RBFOX2: variants seen among roughly 807,000 people sequenced by gnomAD.
RBFOX2 encodes the protein RNA binding protein fox-1 homolog 2.
RBFOX2 carries 10 observed loss-of-function variants against 49.1 expected under a neutral mutation model. The ratio of observed to expected loss-of-function variants is 0.20; its 90% CI spans 0.13 to 0.35. The LOEUF is 0.35. Among genes scored for constraint, RBFOX2 ranks in the 10% least tolerant of loss-of-function variants. The probability of loss-of-function intolerance (pLI) is 1.00; values close to 1 mark genes in which losing one functional copy is unlikely to be tolerated. For synonymous variants in RBFOX2, 183 were observed against 187.4 expected, an observed-to-expected ratio of 0.98 and a Z score of 0.19; for missense variants, 323 against 486.9, an observed-to-expected ratio of 0.66 and a Z score of 3.17.
chr22:35,739,400 C>A (rs1233752790), exon 12 of RBFOX2: 1 of 152,432 alleles, frequency 6.6e-6, no homozygotes, highest in Non-Finnish European at 1.5e-5. Context: ...CGCTTTGCAG[C>A]CCTAGCTTAC....
chr22:35,772,440 G>C (rs980284354), intron 4 of RBFOX2, among the ~76,000 whole-genome samples: 4 of 152,058 alleles, frequency 2.6e-5, no homozygotes, highest in Non-Finnish European at 5.9e-5. Flanking sequence ...CATTATTAGT[G>C]AGATGCTTAA....
intron 2 of RBFOX2, among the ~76,000 whole-genome samples, chr22:35,801,675 A>G (rs1412493440): frequency 6.6e-6 from 1 of 152,060 alleles, no homozygotes; most frequent in Admixed American, 6.5e-5. Context: ...AAATACAGAA[A>G]TTAGCTGGGC....
intron 1 of RBFOX2, among the ~76,000 whole-genome samples, chr22:35,815,975 G>A (rs1306793741): frequency 6.6e-6 from 1 of 152,090 alleles, no homozygotes; most frequent in Admixed American, 6.5e-5. Flanking sequence ...CTTCTGCCCA[G>A]CTGTCTGTGA....
chr22:35,976,342 C>G (rs202223886), intron 1 of RBFOX2, among the ~76,000 whole-genome samples: 25 of 151,584 alleles, frequency 1.6e-4, no homozygotes, highest in African/African-American at 3.2e-4. Context: ...CACCACCCCC[C>G]CCTCTTAATT....
intron 9 of RBFOX2, chr22:35,750,512 C>T: frequency 7.2e-7 from 1 of 1,380,132 alleles, no homozygotes. Context: ...CCACAGCACA[C>T]CCTAATGTAG....
In RBFOX2 at chr22:35,764,384, A is replaced by G. The variant is rs1006079710; in HGVS notation, c.607+1039T>C. On this transcript the variant is annotated intron_variant, in intron 6 of 11. Coordinates refer to ENST00000405409, the Ensembl canonical transcript of RBFOX2. ...CGGATCACGAGGTCAGGAGGTTGAGACCATCCTGGCTAACACGGTGAAACC... is the reference window on the plus strand; with the variant it reads ...CGGATCACGAGGTCAGGAGGTTGAGGCCATCCTGGCTAACACGGTGAAACC... Among the ~76,000 whole-genome samples the G allele has an allele frequency of 5.9e-5, 9 of 152,172 alleles. No individual in the cohort carries two copies. The South Asian group carries it at 8.3e-4, about 14-fold the overall frequency.
At chr22:35,847,652 A>G (rs978948035) in intron 1 of RBFOX2, among the ~76,000 whole-genome samples, 3 of 152,110 alleles carry the variant, frequency 2.0e-5, no homozygotes, top group Non-Finnish European at 4.4e-5. Context: ...TCAATTTAAA[A>G]TTGTTTTTTT....
At chr22:35,839,940 GAGCTACAGCTGCAC>G (rs1958426102) in intron 1 of RBFOX2, among the ~76,000 whole-genome samples, 3 of 152,120 alleles carry the variant, frequency 2.0e-5, no homozygotes, top group African/African-American at 2.4e-5. Context: ...GGTCTTTCCT[GAGCTACAGCTGCAC>G]AGTACAGGAA....
chr22:35,838,371 G>T (rs1213624320), intron 1 of RBFOX2, among the ~76,000 whole-genome samples: 1 of 151,664 alleles, frequency 6.6e-6, no homozygotes, highest in Admixed American at 6.6e-5. Context: ...AATGTCACAG[G>T]TCCAGGGCAG....
intron 1 of RBFOX2, among the ~76,000 whole-genome samples, chr22:35,954,928 A>C (rs1246863713): frequency 6.6e-6 from 1 of 152,224 alleles, no homozygotes; most frequent in Non-Finnish European, 1.5e-5. Flanking sequence ...GACTCACAGT[A>C]GGTAAGACTT....
intron 1 of RBFOX2, among the ~76,000 whole-genome samples, chr22:35,919,160 G>A (rs2050747554): frequency 6.6e-6 from 1 of 152,214 alleles, no homozygotes; most frequent in Non-Finnish European, 1.5e-5. Context: ...TATATAAACT[G>A]TATACAGAAT....
chr22:35,876,159 T>C (rs761412034), intron 1 of RBFOX2, among the ~76,000 whole-genome samples: 3 of 152,204 alleles, frequency 2.0e-5, no homozygotes, highest in African/African-American at 4.8e-5. Flanking sequence ...AAATATGTAC[T>C]AGAAAAAGAA....
At chr22:35,769,750 CT>C (rs1288366748) in intron 4 of RBFOX2, among the ~76,000 whole-genome samples, 1 of 152,078 alleles carries the variant, frequency 6.6e-6, no homozygotes, top group Admixed American at 6.6e-5. Flanking sequence ...AAAACATGTT[CT>C]TAACTGACAC....
chr22:36,015,064 A>C (rs2058981146), intron 1 of RBFOX2, among the ~76,000 whole-genome samples: 1 of 152,216 alleles, frequency 6.6e-6, no homozygotes, highest in African/African-American at 2.4e-5. Flanking sequence ...AATGAACAGC[A>C]CCTGGGAATG....
chr22:35,913,930 T>C (rs2050118523), intron 1 of RBFOX2, among the ~76,000 whole-genome samples: 1 of 152,138 alleles, frequency 6.6e-6, no homozygotes, highest in Admixed American at 6.5e-5. Flanking sequence ...TTGAATGCTG[T>C]ACCATCTTCT....
At chr22:35,768,109 CAAG>C in intron 5 of RBFOX2, 145 bp downstream of exon 6, 1 of 804,040 alleles carries the variant, frequency 1.2e-6, no homozygotes, top group East Asian at 2.6e-5. Flanking sequence ...CATTTTAGTG[CAAG>C]AAGGTGAAGA....
At chr22:35,812,794 C>T (rs974879779) in intron 1 of RBFOX2, among the ~76,000 whole-genome samples, 2 of 152,212 alleles carry the variant, frequency 1.3e-5, no homozygotes, top group South Asian at 2.1e-4. Context: ...TCAGCCTCCT[C>T]GTTTTACTCC....
intron 1 of RBFOX2, chr22:35,992,482 T>C (rs904897203): frequency 6.6e-6 from 1 of 152,196 alleles, no homozygotes; most frequent in Non-Finnish European, 1.5e-5. Context: ...ACTTAAGAGA[T>C]AATTTTAAAT....
intron 1 of RBFOX2, among the ~76,000 whole-genome samples, chr22:35,956,961 G>A (rs1033405039): frequency 6.6e-6 from 1 of 152,188 alleles, no homozygotes; most frequent in Non-Finnish European, 1.5e-5. Flanking sequence ...ACTGTTAAGT[G>A]TTTGGTGGTG....
Sources: allele counts gnomAD v4.1 joint callset (sites outside exome capture counted in the v4.1 genomes callset), GRCh38; gene constraint gnomAD v4.1.1; transcripts MANE v1.5; gene names NCBI Gene and HGNC (gene_info 2026-07-23, HGNC 2026-07-21).